Variants in LRRC4C observed in about 807,000 individuals in gnomAD.
LRRC4C encodes the protein leucine-rich repeat-containing protein 4C.
LRRC4C carries 5 observed loss-of-function variants against 33.6 expected under a neutral mutation model. That is an observed-to-expected ratio of 0.15 (90% CI 0.08 to 0.31). The LOEUF (loss-of-function observed/expected upper bound fraction) is 0.31. LRRC4C is among the 10% of genes least tolerant of loss of function. The pLI, the probability that LRRC4C is intolerant of heterozygous loss-of-function variation, is 1.00. For synonymous variants in LRRC4C, 329 were observed against 302.0 expected, an observed-to-expected ratio of 1.09 and a Z score of -0.93; for missense variants, 560 against 796.7, an observed-to-expected ratio of 0.70 and a Z score of 3.58.
At chr11:40,430,951 G>A (rs1950899211) in intron 3 of LRRC4C, among the ~76,000 whole-genome samples, 1 of 97,814 alleles carries the variant, frequency 1.0e-5, no homozygotes, top group African/African-American at 4.0e-5. Context: ...CCGTGGTGGG[G>A]TGGGGGGAGG....
intron 1 of LRRC4C, among the ~76,000 whole-genome samples, chr11:40,991,204 TAAAAAAA>T (rs1186155913): frequency 1.9e-5 from 2 of 103,342 alleles, no homozygotes; most frequent in Admixed American, 1.0e-4. Flanking sequence ...TCCCAATATG[TAAAAAAA>T]AAAAAAAAAA....
chr11:40,594,206 G>T (rs1959171698), intron 3 of LRRC4C, among the ~76,000 whole-genome samples: 1 of 152,160 alleles, frequency 6.6e-6, no homozygotes, highest in Admixed American at 6.5e-5. Flanking sequence ...TTTAATTGCT[G>T]GGAAAGCTAG....
intron 1 of LRRC4C, among the ~76,000 whole-genome samples, chr11:41,380,147 A>C (rs1429994307): frequency 2.0e-5 from 3 of 152,192 alleles, no homozygotes; most frequent in African/African-American, 7.2e-5. Context: ...TAATTTAAAA[A>C]TAGAGTTTTA....
In LRRC4C at chr11:41,369,694, G is replaced by GA. The variant is rs1192077488; in HGVS notation, c.-496+89736dup. On this transcript the variant is annotated intron_variant, in intron 1 of 6. Coordinates refer to ENST00000528697, the MANE Select transcript of LRRC4C (RefSeq NM_001258419.2). ...GAAGAGACTGGTTGATGATGAGGTT[G>GA]AAAAGGAGGGCAAAATCTGTCATGG... 5.3e-5 allele frequency among the ~76,000 whole-genome samples: 8 copies of GA among 152,290 alleles called. No individual in the cohort carries two copies. The South Asian group carries it at 1.7e-3, about 32-fold the overall frequency.
intron 1 of LRRC4C, among the ~76,000 whole-genome samples, chr11:41,229,263 T>C (rs2136446368): frequency 6.6e-6 from 1 of 152,204 alleles, no homozygotes; most frequent in East Asian, 1.9e-4. Context: ...TGTGAGGATG[T>C]AGAAAGAAGG....
At chr11:40,591,111 T>C (rs1303577938) in intron 3 of LRRC4C, among the ~76,000 whole-genome samples, 1 of 152,100 alleles carries the variant, frequency 6.6e-6, no homozygotes, top group East Asian at 1.9e-4. Context: ...CTCAGGCTGC[T>C]GTGCTAGCAA....
chr11:41,039,902 G>T (rs1237734485), intron 1 of LRRC4C, among the ~76,000 whole-genome samples: 1 of 151,972 alleles, frequency 6.6e-6, no homozygotes, highest in Non-Finnish European at 1.5e-5. Context: ...AGCACTTTGG[G>T]AGGCCGAGGC....
At chr11:40,966,476 C>T (rs1851373981) in intron 1 of LRRC4C, among the ~76,000 whole-genome samples, 1 of 151,862 alleles carries the variant, frequency 6.6e-6, no homozygotes, top group Non-Finnish European at 1.5e-5. Context: ...GATATCTGTG[C>T]CTCAAGCAGC....
At chr11:41,021,227 GTGTGTT>G (rs1324953797) in intron 1 of LRRC4C, among the ~76,000 whole-genome samples, 3 of 126,644 alleles carry the variant, frequency 2.4e-5, no homozygotes, top group African/African-American at 9.5e-5. Context: ...GTGTGTGTGT[GTGTGTT>G]TAAGAAAATT....
At chr11:40,677,056 C>G (rs898674551) in intron 2 of LRRC4C, among the ~76,000 whole-genome samples, 1 of 152,072 alleles carries the variant, frequency 6.6e-6, no homozygotes, top group East Asian at 1.9e-4. Context: ...TTTCTCTTTT[C>G]TAGAAAAGAG....
At chr11:40,986,212 C>T (rs1215542615) in intron 1 of LRRC4C, among the ~76,000 whole-genome samples, 1 of 152,000 alleles carries the variant, frequency 6.6e-6, no homozygotes, top group Non-Finnish European at 1.5e-5. Flanking sequence ...AAGAGTGAGT[C>T]CCACTGTGAT....
intron 1 of LRRC4C, among the ~76,000 whole-genome samples, chr11:41,340,266 TAAAG>T (rs1951586640): frequency 1.3e-5 from 2 of 152,132 alleles, no homozygotes; most frequent in African/African-American, 2.4e-5. Flanking sequence ...AAATTCTACA[TAAAG>T]AAATAGGATT....
At chr11:40,913,673 C>A (rs531234467) in intron 2 of LRRC4C, among the ~76,000 whole-genome samples, 1 of 152,076 alleles carries the variant, frequency 6.6e-6, no homozygotes, top group South Asian at 2.1e-4. Flanking sequence ...CAAAAGCTAG[C>A]AAAAGGCAAG....
At chr11:40,372,887 C>CCCTGCTGA (rs11282840) in intron 3 of LRRC4C, among the ~76,000 whole-genome samples, 11,240 of 152,022 alleles carry the variant, frequency 0.074, 1,319 homozygotes, top group African/African-American at 0.25. Context: ...AGCAGAGACT[C>CCCTGCTGA]CCCACAACAG....
intron 4 of LRRC4C, among the ~76,000 whole-genome samples, chr11:40,283,291 C>T (rs1943604720): frequency 6.6e-6 from 1 of 152,116 alleles, no homozygotes; most frequent in African/African-American, 2.4e-5. Flanking sequence ...TACACATACC[C>T]ATGTACTTGC....
At chr11:40,219,892 T>C (rs916247901) in intron 5 of LRRC4C, among the ~76,000 whole-genome samples, 7 of 152,190 alleles carry the variant, frequency 4.6e-5, no homozygotes, top group African/African-American at 1.7e-4. Flanking sequence ...TTAGCTACTT[T>C]TGCCATAAAA....
intron 2 of LRRC4C, among the ~76,000 whole-genome samples, chr11:40,684,492 G>A (rs909897845): frequency 6.6e-6 from 1 of 151,940 alleles, no homozygotes; most frequent in African/African-American, 2.4e-5. Context: ...AATTTTCAGT[G>A]AGAAGACCTA....
chr11:40,116,506 G>A (rs552623916), intron 6 of LRRC4C, among the ~76,000 whole-genome samples, 172 bp from the exon 7 acceptor site: 2 of 152,214 alleles, frequency 1.3e-5, no homozygotes, highest in East Asian at 3.9e-4. Context: ...AGAAGAAAAT[G>A]TACCTTTAAT....
At chr11:40,640,549 T>C (rs747646117) in intron 3 of LRRC4C, among the ~76,000 whole-genome samples, 1 of 152,106 alleles carries the variant, frequency 6.6e-6, no homozygotes, top group South Asian at 2.1e-4. Flanking sequence ...ACCCCTAATA[T>C]TTTAAATAGG....
Sources: gnomAD v4.1 joint callset for allele counts (sites outside exome capture counted in the v4.1 genomes callset) on GRCh38, gnomAD v4.1.1 for gene constraint, MANE v1.5 for transcripts, NCBI Gene and HGNC (gene_info 2026-07-23, HGNC 2026-07-21) for gene names.